Variants in LRIG1 observed in about 807,000 individuals in gnomAD.
LRIG1 encodes the protein leucine-rich repeats and immunoglobulin-like domains protein 1.
A neutral mutation model predicts 99.2 loss-of-function variants in LRIG1; 48 were observed. The ratio of observed to expected loss-of-function variants is 0.48; its 90% CI spans 0.38 to 0.62. The LOEUF (loss-of-function observed/expected upper bound fraction) is 0.62. Ranked by LOEUF, LRIG1 falls within the 20% of genes least tolerant of loss-of-function variation. LRIG1 has a pLI of 0.00. For missense variants in LRIG1, 1,646 were observed against 1,434.4 expected, an observed-to-expected ratio of 1.15 and a Z score of -2.38; for synonymous variants, 772 against 596.1, an observed-to-expected ratio of 1.29 and a Z score of -4.30.
intron 2 of LRIG1, among the ~76,000 whole-genome samples, chr3:66,454,344 G>A (rs1304007253): frequency 6.6e-6 from 1 of 152,220 alleles, no homozygotes; most frequent in Admixed American, 6.5e-5. Flanking sequence ...GACTGAAATA[G>A]AGACTGGTCA....
In LRIG1 at chr3:66,383,311, G is replaced by T. The variant is rs116809906; in HGVS notation, c.2162C>A (p.Pro721Gln). The change falls in exon 15 of 19, where the codon CCG becomes CAG. Residue 721 changes from proline to glutamine, a missense_variant. By Grantham distance (76) the Pro-to-Gln change is moderately conservative (BLOSUM62 -1). Transcript: ENST00000273261. ...CCCCTTGAACCAGGTGATGCGGGGC[G>T]GAGGGTTCCCCGTGGCTTTGCATTG... ...ALQCKATGNP[P>Q]PRITWFKGDR... 14 of 1,606,612 alleles carry T rather than the reference G, an allele frequency of 8.7e-6. No homozygotes were observed. In the South Asian group the frequency reaches 1.1e-4, roughly 13 times the overall value.
chr3:66,450,390 T>C (rs1341065569), intron 3 of LRIG1, among the ~76,000 whole-genome samples: 1 of 152,156 alleles, frequency 6.6e-6, no homozygotes, highest in African/African-American at 2.4e-5. Context: ...TTTCCTCATG[T>C]ATAAAATGGG....
chr3:66,425,757 C>T (rs139253260), intron 3 of LRIG1, among the ~76,000 whole-genome samples: 1 of 152,198 alleles, frequency 6.6e-6, no homozygotes, highest in Non-Finnish European at 1.5e-5. Context: ...TCCACAGTGT[C>T]AGTTTACCCC....
chr3:66,451,473 A>T, intron 3 of LRIG1, 86 bp downstream of exon 3: 1 of 1,144,150 alleles, frequency 8.7e-7, no homozygotes. Flanking sequence ...CATGAACTCA[A>T]GTTATCCTGC....
intron 3 of LRIG1, among the ~76,000 whole-genome samples, chr3:66,439,154 G>A (rs1575692119): frequency 6.6e-6 from 1 of 152,212 alleles, no homozygotes; most frequent in Admixed American, 6.5e-5. Flanking sequence ...TGTCTGCAAG[G>A]CCATGGGGAA....
chr3:66,397,217 A>T (rs1701882933), intron 11 of LRIG1, among the ~76,000 whole-genome samples: 1 of 152,166 alleles, frequency 6.6e-6, no homozygotes, highest in African/African-American at 2.4e-5. Context: ...GGCCCGCTTC[A>T]GTTCCCAGCT....
rs371166249 is a variant in LRIG1 at position 66,441,554 on chromosome 3, G to A, written c.365+10005C>T. On this transcript the variant is annotated intron_variant, in intron 3 of 18. Coordinates refer to ENST00000273261, the MANE Select transcript of LRIG1 (RefSeq NM_015541.3). ...AAAATCATACCAAGAGCTACCCAAA[G>A]CAAGTTCACCTCGGGTCAGAAAGAG... Among the ~76,000 whole-genome samples the A allele has an allele frequency of 1.2e-4, 19 of 152,320 alleles. No individual in the cohort carries two copies. The South Asian group carries it at 1.7e-3, about 13-fold the overall frequency.
chr3:66,456,068 T>G (rs1419303544), intron 2 of LRIG1, among the ~76,000 whole-genome samples: 1 of 152,188 alleles, frequency 6.6e-6, no homozygotes, highest in Non-Finnish European at 1.5e-5. Flanking sequence ...ATTATATAGC[T>G]CAGATGTTTA....
At chr3:66,397,103 G>T (rs564623536) in intron 11 of LRIG1, among the ~76,000 whole-genome samples, 1 of 152,350 alleles carries the variant, frequency 6.6e-6, no homozygotes, top group East Asian at 1.9e-4. Context: ...TCCAACCCTT[G>T]CAAGGACGGT....
At chr3:66,424,745 T>A (rs116003176) in intron 3 of LRIG1, among the ~76,000 whole-genome samples, 2 of 152,220 alleles carry the variant, frequency 1.3e-5, no homozygotes, top group Non-Finnish European at 2.9e-5. Flanking sequence ...AGCTTAACGA[T>A]TTCTGGACTT....
chr3:66,420,748 A>C (rs1040042409), intron 3 of LRIG1, among the ~76,000 whole-genome samples: 1 of 152,246 alleles, frequency 6.6e-6, no homozygotes, highest in Admixed American at 6.5e-5. Context: ...AGATCCACTG[A>C]AACAGAAAGT....
chr3:66,389,803 G>A (rs2107954313), intron 12 of LRIG1, among the ~76,000 whole-genome samples: 1 of 152,078 alleles, frequency 6.6e-6, no homozygotes, highest in African/African-American at 2.4e-5. Context: ...CACTATGAGG[G>A]GACTTCAAAA....
intron 13 of LRIG1, among the ~76,000 whole-genome samples, chr3:66,385,548 G>C (rs1371139526): frequency 6.6e-6 from 1 of 152,212 alleles, no homozygotes; most frequent in African/African-American, 2.4e-5. Context: ...CACCTCCTGG[G>C]TTCAAGCAAT....
chr3:66,393,665 A>C (rs1389934375), intron 12 of LRIG1, among the ~76,000 whole-genome samples: 2 of 152,208 alleles, frequency 1.3e-5, no homozygotes, highest in Non-Finnish European at 2.9e-5. Flanking sequence ...TTAACCTTTC[A>C]TTCTTGGGGT....
rs138662580 is a variant in LRIG1, at chr3:66,390,098, T to G, written c.1469-3797A>C. Among the ~76,000 whole-genome samples the G allele has an allele frequency of 5.1e-3, 783 of 152,228 alleles. 12 individuals carry two copies. Among genetic ancestry groups the G allele is most frequent in the African/African-American group, 0.014 (577 of 41,556 alleles). On this transcript the variant is annotated intron_variant, in intron 12 of 18. Transcript: ENST00000273261. ...AAAACTCTCACAAATTCACTCTTCT[T>G]TGTATTAGAGCTTCTAGCCAGTGCA...
At chr3:66,464,688 A>G (rs1700432339) in intron 1 of LRIG1, among the ~76,000 whole-genome samples, 1 of 152,172 alleles carries the variant, frequency 6.6e-6, no homozygotes. Flanking sequence ...GTCTTACGCA[A>G]TTAAACTGAT....
chr3:66,400,466 A>T (rs1702011077), intron 9 of LRIG1, among the ~76,000 whole-genome samples: 1 of 152,206 alleles, frequency 6.6e-6, no homozygotes, highest in South Asian at 2.1e-4. Context: ...CAGGCTGGCT[A>T]AGAATACCGA....
At chr3:66,394,333 G>C in intron 11 of LRIG1, 130 bp from the exon 12 acceptor site, 1 of 778,662 alleles carries the variant, frequency 1.3e-6, no homozygotes, top group Non-Finnish European at 2.0e-6. Context: ...AGGGGGAAAT[G>C]GTTTTTCTCA....
intron 3 of LRIG1, among the ~76,000 whole-genome samples, chr3:66,440,934 GC>G (rs1024644639): frequency 6.6e-6 from 1 of 152,136 alleles, no homozygotes; most frequent in African/African-American, 2.4e-5. Context: ...GTGCAAAAAT[GC>G]CCCCTCTCTA....
Sources: gnomAD v4.1 joint callset for allele counts (sites outside exome capture counted in the v4.1 genomes callset) on GRCh38, gnomAD v4.1.1 for gene constraint, MANE v1.5 for transcripts, NCBI Gene and HGNC (gene_info 2026-07-23, HGNC 2026-07-21) for gene names.